The following FAM81A variants were observed in gnomAD, a reference collection of about 807,000 sequenced individuals.
The protein encoded by FAM81A is protein FAM81A.
In FAM81A, 19 loss-of-function variants were observed where a neutral mutation model predicts 46.7. The ratio of observed to expected loss-of-function variants is 0.41; its 90% CI spans 0.28 to 0.60. The LOEUF is 0.60. Among genes scored for constraint, FAM81A ranks in the 20% least tolerant of loss-of-function variants. The pLI, the probability that FAM81A is intolerant of heterozygous loss-of-function variation, is 0.34. For synonymous variants in FAM81A, 183 were observed against 152.9 expected (o/e 1.20, Z -1.45); for missense variants, 377 against 453.5 (o/e 0.83, Z 1.53).
chr15:59,495,799 G>C (rs187017227), intron 4 of FAM81A, among the ~76,000 whole-genome samples: 8 of 152,220 alleles, frequency 5.3e-5, no homozygotes, highest in Non-Finnish European at 8.8e-5. Context: ...GTGCTTGCTC[G>C]TCATTGGCAT....
chr15:59,466,461 G>A (rs930449345), intron 3 of FAM81A, among the ~76,000 whole-genome samples: 34 of 152,218 alleles, frequency 2.2e-4, no homozygotes, highest in African/African-American at 7.2e-4. Flanking sequence ...GACCAGTGAT[G>A]ATGAGCATTT....
At chr15:59,466,164 A>T (rs2081610872) in intron 3 of FAM81A, among the ~76,000 whole-genome samples, 1 of 152,226 alleles carries the variant, frequency 6.6e-6, no homozygotes, top group Non-Finnish European at 1.5e-5. Context: ...TGCTGCAATA[A>T]ACATACATGT....
chr15:59,485,624 A>C (rs1202025344), intron 3 of FAM81A, among the ~76,000 whole-genome samples: 1 of 152,342 alleles, frequency 6.6e-6, no homozygotes, highest in South Asian at 2.1e-4. Flanking sequence ...TTAACACCCA[A>C]GTCCCTTTGA....
intron 1 of FAM81A, among the ~76,000 whole-genome samples, chr15:59,447,797 G>C (rs918057066): frequency 5.9e-5 from 9 of 152,158 alleles, no homozygotes; most frequent in Non-Finnish European, 1.3e-4. Context: ...GTGAAGGGAG[G>C]GGAGGGGAAA....
chr15:59,441,878 C>T (rs2081301513), intron 1 of FAM81A, among the ~76,000 whole-genome samples: 1 of 152,218 alleles, frequency 6.6e-6, no homozygotes, highest in Non-Finnish European at 1.5e-5. Context: ...CCCAGCCTCA[C>T]CTCTGAGCCC....
At chr15:59,428,566 T>C (rs2081205217) in intron 2 of FAM81A, among the ~76,000 whole-genome samples, 1 of 149,700 alleles carries the variant, frequency 6.7e-6, no homozygotes, top group Non-Finnish European at 1.5e-5. Flanking sequence ...CCTGCCATGG[T>C]TCCTTTCATA....
At chr15:59,452,970 C>T (rs2081436989) in intron 1 of FAM81A, among the ~76,000 whole-genome samples, 1 of 152,108 alleles carries the variant, frequency 6.6e-6, no homozygotes. Context: ...GCTGTGTTGC[C>T]CAGGCTGGTC....
intron 1 of FAM81A, among the ~76,000 whole-genome samples, chr15:59,443,831 C>A (rs2081326631): frequency 6.6e-6 from 1 of 152,142 alleles, no homozygotes; most frequent in East Asian, 1.9e-4. Flanking sequence ...AAGGCCTGTG[C>A]ACACTGGCCT....
intron 3 of FAM81A, among the ~76,000 whole-genome samples, chr15:59,475,820 C>A (rs1449209655): frequency 6.6e-6 from 1 of 152,210 alleles, no homozygotes; most frequent in African/African-American, 2.4e-5. Context: ...TGAACTTAAG[C>A]ATGTCTACCT....
intron 2 of FAM81A, among the ~76,000 whole-genome samples, chr15:59,425,912 AC>A (rs2081192810): frequency 6.6e-6 from 1 of 152,198 alleles, no homozygotes; most frequent in Non-Finnish European, 1.5e-5. Flanking sequence ...AAGCCACTGC[AC>A]CCAGCTGGCT....
At chr15:59,444,431 G>A (rs1350193020) in intron 1 of FAM81A, 1 of 152,196 alleles carries the variant, frequency 6.6e-6, no homozygotes, top group Admixed American at 6.5e-5. Flanking sequence ...TCGTGTGTAT[G>A]TGTCAAGACA....
intron 7 of FAM81A, among the ~76,000 whole-genome samples, chr15:59,515,614 G>C (rs1163722698): frequency 6.6e-6 from 1 of 151,986 alleles, no homozygotes; most frequent in African/African-American, 2.4e-5. Context: ...CAAAAGGAAA[G>C]GAAAGACTTA....
At chr15:59,505,908 G>C (rs1355632538) in intron 4 of FAM81A, among the ~76,000 whole-genome samples, 3 of 152,052 alleles carry the variant, frequency 2.0e-5, no homozygotes, top group Non-Finnish European at 4.4e-5. Context: ...CTAACCATTA[G>C]CCACTTTCCT....
chr15:59,421,693 A>G (rs1306397178), intron 2 of FAM81A, among the ~76,000 whole-genome samples: 2 of 150,246 alleles, frequency 1.3e-5, no homozygotes, highest in Admixed American at 1.3e-4. Context: ...TTGGGGACAG[A>G]TTAAACCCTT....
At chr15:59,501,431 A>G (rs2082089710) in intron 4 of FAM81A, among the ~76,000 whole-genome samples, 1 of 152,182 alleles carries the variant, frequency 6.6e-6, no homozygotes, top group Non-Finnish European at 1.5e-5. Flanking sequence ...ATGGTACTAT[A>G]ATTAAATAAC....
At chr15:59,415,002 G>C (rs930911464) in intron 2 of FAM81A, among the ~76,000 whole-genome samples, 3 of 151,954 alleles carry the variant, frequency 2.0e-5, no homozygotes, top group African/African-American at 7.3e-5. Flanking sequence ...ATTTTTAGTA[G>C]AGATGGGTTT....
At chr15:59,477,222 T>C (rs1290768800) in intron 3 of FAM81A, among the ~76,000 whole-genome samples, 2 of 152,172 alleles carry the variant, frequency 1.3e-5, no homozygotes, top group African/African-American at 4.8e-5. Flanking sequence ...ATATTTAAAT[T>C]GTATTTCAAT....
At chr15:59,450,739 A>G (rs1011618886) in intron 1 of FAM81A, among the ~76,000 whole-genome samples, 12 of 152,206 alleles carry the variant, frequency 7.9e-5, no homozygotes, top group Admixed American at 1.3e-4. Context: ...TTACCCTTCA[A>G]TATTCTTTTA....
At chr15:59,485,278 C>G (rs1273560620) in intron 3 of FAM81A, among the ~76,000 whole-genome samples, 1 of 152,248 alleles carries the variant, frequency 6.6e-6, no homozygotes, top group South Asian at 2.1e-4. Flanking sequence ...ATACGGGTAG[C>G]CATGTAGTGA....
Sources: gnomAD v4.1 joint callset for allele counts (sites outside exome capture counted in the v4.1 genomes callset) on GRCh38, gnomAD v4.1.1 for gene constraint, MANE v1.5 for transcripts, NCBI Gene and HGNC (gene_info 2026-07-23, HGNC 2026-07-21) for gene names.